DNAH5: variants seen among roughly 807,000 people sequenced by gnomAD.
DNAH5 encodes the protein dynein axonemal heavy chain 5, also known as axonemal beta dynein heavy chain 5.
In DNAH5, 372 loss-of-function variants were observed where a neutral mutation model predicts 518.2. The observed-to-expected ratio is 0.72, with a 90% CI of 0.66 to 0.78. The LOEUF is 0.78. Ranked by LOEUF, DNAH5 falls within the 30% of genes least tolerant of loss-of-function variation. DNAH5 has a pLI of 0.00. For synonymous variants in DNAH5, 2,039 were observed against 2,025.9 expected, an observed-to-expected ratio of 1.01 and a Z score of -0.17; for missense variants, 5,523 against 5,687.0, an observed-to-expected ratio of 0.97 and a Z score of 0.93.
intron 43 of DNAH5, among the ~76,000 whole-genome samples, chr5:13,812,539 C>T (rs1005277751): frequency 3.3e-5 from 5 of 152,194 alleles, no homozygotes; most frequent in African/African-American, 1.2e-4. Context: ...CTCCTTGCCT[C>T]AAGCAATCTG....
rs368413636 is a variant in DNAH5, at chr5:13,717,463, T to C, written c.12557A>G (p.Tyr4186Cys). The change falls in exon 73 of 79, where the codon TAC (tyrosine) becomes TGC (cysteine). Residue 4186 changes from tyrosine (Y) to cysteine (C), a missense_variant. Transcript: ENST00000265104. ...SSGSQWKPML[Y>C]AVAFLHSTVQ... is the part of the protein sequence containing the mutation. ...AGTGGAGTGCAGGAAAGCCACTGCG[T>C]ACAGCATGGGCTTCCACTGGGACCC... 5 of 1,614,172 alleles carry C rather than the reference T, an allele frequency of 3.1e-6. No homozygotes were observed. The highest frequency in any genetic ancestry group is 4.2e-6 in the Non-Finnish European group (5 of 1,180,012).
At position 13,900,324 on chromosome 5, in the gene DNAH5, AT is replaced by A; in HGVS notation, c.2140del (p.Ile714TyrfsTer2). 5.6e-6 allele frequency: 9 copies of A among 1,614,156 alleles called. No homozygotes were observed. The highest frequency in any genetic ancestry group is 6.8e-6 in the Non-Finnish European group (8 of 1,180,002). On this transcript the variant is annotated frameshift_variant, in exon 15 of 79. Coordinates refer to ENST00000265104, the MANE Select transcript of DNAH5 (RefSeq NM_001369.3). LOFTEE classifies it high-confidence loss of function. ...GELFVNFDPQ[I>X]LILFRETECM... ...CTCTGTTTCTCTAAATAAGATTAAT[AT>A]CTGAGGGTCAAAGTTTACAAACAAT...
intron 21 of DNAH5, among the ~76,000 whole-genome samples, chr5:13,879,787 AG>A (rs1265042453): frequency 6.6e-6 from 1 of 152,186 alleles, no homozygotes; most frequent in African/African-American, 2.4e-5. Context: ...AGAATGAAAA[AG>A]AATGAAGATA....
intron 1 of DNAH5, among the ~76,000 whole-genome samples, chr5:13,997,460 C>A (rs759737855): frequency 2.1e-4 from 32 of 152,154 alleles, no homozygotes; most frequent in Non-Finnish European, 3.8e-4. Context: ...ATCAAATGAC[C>A]TTTACTATTC....
chr5:13,856,436 G>A (rs375582474), intron 30 of DNAH5, among the ~76,000 whole-genome samples: 1 of 152,024 alleles, frequency 6.6e-6, no homozygotes, highest in South Asian at 2.1e-4. Context: ...TCTACCAGAG[G>A]TTCAAAGAGC....
rs751797958 is a variant in DNAH5 at position 13,883,004 on chromosome 5, G to C, written c.3074C>G (p.Pro1025Arg). ...GGTCTGCTGTACATCTTCCAGGGCA[G>C]GGGCCATGACGATGTTGGGAATGGC... The part of the protein sequence containing the change: ...TLAIPNIVMA[P>R]ALEDVQQTLN... The change falls in exon 20 of 79, where the codon CCT becomes CGT. Residue 1025 changes from proline (P) to arginine (R), a missense_variant. By Grantham distance (103) the Pro-to-Arg change is moderately radical. This residue lies in a region of DNAH5 where 5,121 missense variants were observed against 5,223.3 expected (regional missense o/e 0.98). Transcript: ENST00000265104. 6.2e-7 allele frequency: 1 copy of C among 1,614,044 alleles called. No homozygotes were observed. Among genetic ancestry groups the C allele is most frequent in the Non-Finnish European group, 8.5e-7 (1 of 1,180,028 alleles).
At chr5:13,989,244 A>G (rs975239129) in intron 1 of DNAH5, among the ~76,000 whole-genome samples, 2 of 152,222 alleles carry the variant, frequency 1.3e-5, no homozygotes, top group Non-Finnish European at 2.9e-5. Context: ...ATATTCTACA[A>G]GAAAAAGTGC....
chr5:13,717,593 T>C lies in DNAH5; in HGVS notation c.12500-73A>G, dbSNP rs1254860174. On this transcript the variant is annotated intron_variant, in intron 72 of 78. Coordinates refer to ENST00000265104, the MANE Select transcript of DNAH5 (RefSeq NM_001369.3). The stretch of plus-strand genomic sequence containing the variant: ...TATTTTCTACTACTTTTATAAGTAA[T>C]CATTTTTGTAAATCCCTGATATTAA... The C allele has an allele frequency of 2.0e-5, 24 of 1,228,722 alleles. No homozygotes were observed. In the Admixed American group the frequency reaches 4.6e-4, roughly 23 times the overall value. 76.1% of individuals were successfully genotyped at this position (1,228,722 alleles called of 1,614,324 possible).
At chr5:13,789,387 A>G (rs1312150887) in intron 50 of DNAH5, among the ~76,000 whole-genome samples, 1 of 152,228 alleles carries the variant, frequency 6.6e-6, no homozygotes, top group African/African-American at 2.4e-5. Context: ...AAAAAAAGCA[A>G]GCACCTAATC....
At chr5:14,002,044 G>A (rs919073030) in intron 1 of DNAH5, among the ~76,000 whole-genome samples, 10 of 151,822 alleles carry the variant, frequency 6.6e-5, no homozygotes, top group African/African-American at 2.2e-4. Flanking sequence ...GACTACAGGC[G>A]CGCACCACCA....
chr5:13,860,985 G>T (rs1236148928), intron 29 of DNAH5, among the ~76,000 whole-genome samples: 1 of 152,042 alleles, frequency 6.6e-6, no homozygotes, highest in African/African-American at 2.4e-5. Context: ...TAGAAATATA[G>T]GTCCATAGAA....
intron 12 of DNAH5, among the ~76,000 whole-genome samples, chr5:13,910,733 A>G (rs1373555132): frequency 1.3e-5 from 2 of 152,146 alleles, no homozygotes; most frequent in African/African-American, 4.8e-5. Flanking sequence ...AGGATCTCAC[A>G]GTTGAGAGGC....
At chr5:13,830,284 G>A in intron 36 of DNAH5, 71 bp from the exon 37 acceptor site, 2 of 1,384,862 alleles carry the variant, frequency 1.4e-6, no homozygotes, top group South Asian at 1.2e-5. Flanking sequence ...AGGATATTAT[G>A]TAGCTGCTAA....
Position 13,841,087 on chromosome 5 carries a change from T to G in DNAH5, c.5528A>C (p.Glu1843Ala), listed in dbSNP as rs147599966. Residue 1843 changes from glutamate (E) to alanine (A), a missense_variant, in exon 34 of 79, where the codon GAA becomes GCA. This residue lies in a region of DNAH5 where 5,121 missense variants were observed against 5,223.3 expected (regional missense o/e 0.98). Transcript: ENST00000265104. ...GIQMIWTRDS[E>A]EALRNAKFDK... ...AAACTTGGCATTTCTAAGGGCTTCT[T>G]CTGAATCCCGTGTCCATATCATCTG... The G allele has an allele frequency of 6.1e-5, 98 of 1,614,146 alleles. No homozygotes were observed. The African/African-American group carries it at 1.2e-3, about 19-fold the overall frequency.
chr5:13,977,727 A>G (rs2152063492), intron 1 of DNAH5, among the ~76,000 whole-genome samples: 1 of 152,250 alleles, frequency 6.6e-6, no homozygotes, highest in East Asian at 1.9e-4. Context: ...ATGGGATCCA[A>G]TCCCAAATGG....
chr5:13,800,799 T>C (rs1758634931), intron 47 of DNAH5, among the ~76,000 whole-genome samples: 1 of 152,196 alleles, frequency 6.6e-6, no homozygotes, highest in African/African-American at 2.4e-5. Context: ...CTTTGATTGG[T>C]GTTCCCACCT....
Position 13,841,672 on chromosome 5 carries a change from T to C in DNAH5, c.5484+20A>G. 1 of 1,582,214 alleles carries C rather than the reference T, an allele frequency of 6.3e-7. No homozygotes were observed. The highest frequency in any genetic ancestry group is 1.3e-5 in the African/African-American group (1 of 74,396). On this transcript the variant is annotated intron_variant, in intron 33 of 78. Coordinates refer to ENST00000265104, the MANE Select transcript of DNAH5 (RefSeq NM_001369.3). ...AATGACTATTTTACAAAACATACTT[T>C]CAAATTTCAATACACTGACCTGAGC...
intron 21 of DNAH5, among the ~76,000 whole-genome samples, chr5:13,879,135 G>A (rs1272931210): frequency 1.3e-5 from 2 of 152,186 alleles, no homozygotes; most frequent in African/African-American, 2.4e-5. Flanking sequence ...ACTGAAAGAG[G>A]TAGCTGTCTT....
At chr5:13,789,773 T>G (rs770577207) in intron 50 of DNAH5, among the ~76,000 whole-genome samples, 2 of 152,202 alleles carry the variant, frequency 1.3e-5, no homozygotes, top group Non-Finnish European at 2.9e-5. Flanking sequence ...AAAACTGACT[T>G]CAACAATTCC....
Sources: allele counts gnomAD v4.1 joint callset (sites outside exome capture counted in the v4.1 genomes callset), GRCh38; gene constraint gnomAD v4.1.1; regional missense constraint gnomAD v4.1.1; transcripts MANE v1.5; gene names NCBI Gene and HGNC (gene_info 2026-07-23, HGNC 2026-07-21).